The following DCLK1 variants were observed in gnomAD, a reference collection of about 807,000 sequenced individuals.
DCLK1 encodes serine/threonine-protein kinase DCLK1.
DCLK1 carries 16 observed loss-of-function variants against 86.2 expected under a neutral mutation model. The ratio of observed to expected loss-of-function variants is 0.19; its 90% CI spans 0.13 to 0.28. The LOEUF (loss-of-function observed/expected upper bound fraction) is 0.28. DCLK1 is among the 10% of genes least tolerant of loss of function. DCLK1 has a pLI of 1.00. For missense variants in DCLK1, 590 were observed against 940.2 expected, an observed-to-expected ratio of 0.63 and a Z score of 4.87; for synonymous variants, 369 against 370.5, an observed-to-expected ratio of 1.00 and a Z score of 0.05.
In DCLK1 at chr13:35,860,947, T is replaced by C. The variant is rs144529475; in HGVS notation, c.941-6354A>G. Among the ~76,000 whole-genome samples the C allele has an allele frequency of 3.7e-4, 57 of 152,076 alleles. 1 individual carries two copies. In the East Asian group the frequency reaches 0.01, roughly 27 times the overall value. The stretch of plus-strand genomic sequence containing the variant: ...AAGTGAGAGGAATAAAGGGATGAGG[T>C]GGAAAAGCCCAAGCTGGGGACAATT... On this transcript the variant is annotated intron_variant, in intron 5 of 16. Transcript: ENST00000360631.
At chr13:35,818,113 CT>C (rs1424328041) in intron 11 of DCLK1, among the ~76,000 whole-genome samples, 1 of 152,102 alleles carries the variant, frequency 6.6e-6, no homozygotes, top group African/African-American at 2.4e-5. Flanking sequence ...GGCTCCCTTC[CT>C]TTGGGTAACC....
rs1009689233 is a variant in DCLK1 at position 35,999,079 on chromosome 13, AC to A, written c.724-51623del. Among the ~76,000 whole-genome samples, 10 of 151,870 alleles carry A rather than the reference AC, an allele frequency of 6.6e-5. No homozygotes were observed. The East Asian group carries it at 1.4e-3, about 21-fold the overall frequency. On this transcript the variant is annotated intron_variant, in intron 3 of 16. Transcript: ENST00000360631. ...AGACCAGCCTGGCCGACACGGTGAA[AC>A]CCCTTCTCTACTAAAAATACAAAAA...
chr13:36,001,695 G>A (rs552011939), intron 3 of DCLK1, among the ~76,000 whole-genome samples: 1 of 152,180 alleles, frequency 6.6e-6, no homozygotes, highest in Non-Finnish European at 1.5e-5. Context: ...GGTACCACAA[G>A]ATAAAAAATG....
chr13:35,873,010 A>G (rs1335550041), intron 4 of DCLK1, among the ~76,000 whole-genome samples: 1 of 152,118 alleles, frequency 6.6e-6, no homozygotes, highest in Non-Finnish European at 1.5e-5. Context: ...CAACTTATTC[A>G]ATCATTCCCC....
At chr13:36,101,682 G>T (rs1256972318) in intron 3 of DCLK1, among the ~76,000 whole-genome samples, 1 of 152,034 alleles carries the variant, frequency 6.6e-6, no homozygotes, top group African/African-American at 2.4e-5. Flanking sequence ...CCTGCTCCCT[G>T]GTGGCCTTGC....
At chr13:36,095,911 T>A (rs1885001606) in intron 3 of DCLK1, among the ~76,000 whole-genome samples, 1 of 152,210 alleles carries the variant, frequency 6.6e-6, no homozygotes, top group Non-Finnish European at 1.5e-5. Flanking sequence ...TTATTTTCTG[T>A]TGTCAGCTTT....
At chr13:35,796,276 A>G (rs997200435) in intron 15 of DCLK1, among the ~76,000 whole-genome samples, 1 of 152,182 alleles carries the variant, frequency 6.6e-6, no homozygotes, top group South Asian at 2.1e-4. Context: ...TTTGAAAAAC[A>G]TGATTGTGGA....
rs777067371 is a variant in DCLK1 at position 35,827,667 on chromosome 13, T to A, written c.1375A>T (p.Thr459Ser). Residue 459 changes from threonine to serine, a missense_variant, in exon 10 of 17, where the codon ACT (threonine) becomes TCT (serine). Around this residue, in one of 6 missense-constraint regions of DCLK1, gnomAD observed 108 missense variants for 195.7 expected, o/e 0.55. Transcript: ENST00000360631. ...AATTCCATGACAAGATACAGTTCAG[T>A]TGGCACATCCATCTCCTCAATCAGA... is the stretch of plus-strand genomic sequence containing the variant. Reference protein sequence around the residue: ...VLLIEEMDVPTELYLVMELVK... With the variant: ...VLLIEEMDVPSELYLVMELVK... The A allele has an allele frequency of 1.2e-6, 2 of 1,614,068 alleles. No individual in the cohort carries two copies. Among genetic ancestry groups the A allele is most frequent in the Admixed American group, 3.3e-5 (2 of 60,026 alleles).
chr13:36,086,813 T>C (rs1194241894), intron 3 of DCLK1, among the ~76,000 whole-genome samples: 1 of 152,234 alleles, frequency 6.6e-6, no homozygotes, highest in Non-Finnish European at 1.5e-5. Flanking sequence ...CTCTTTTTTA[T>C]GGCTGCACAG....
intron 4 of DCLK1, among the ~76,000 whole-genome samples, chr13:35,914,753 A>C (rs936477996): frequency 6.6e-5 from 10 of 151,762 alleles, no homozygotes; most frequent in African/African-American, 1.5e-4. Context: ...ATATTTTCTG[A>C]GGCTGCCAAA....
At chr13:35,944,109 G>T (rs1443101155) in intron 4 of DCLK1, among the ~76,000 whole-genome samples, 1 of 152,172 alleles carries the variant, frequency 6.6e-6, no homozygotes, top group African/African-American at 2.4e-5. Flanking sequence ...TATTAATCTG[G>T]CTCCAATGTG....
At chr13:36,046,191 A>T (rs1326133004) in intron 3 of DCLK1, among the ~76,000 whole-genome samples, 2 of 152,220 alleles carry the variant, frequency 1.3e-5, no homozygotes, top group Non-Finnish European at 2.9e-5. Flanking sequence ...GCAGAAGCAA[A>T]CATACACTCT....
At chr13:35,906,967 C>T (rs1874722293) in intron 4 of DCLK1, among the ~76,000 whole-genome samples, 1 of 152,142 alleles carries the variant, frequency 6.6e-6, no homozygotes, top group Non-Finnish European at 1.5e-5. Context: ...TCTGCAAGCC[C>T]AGCTGCTAAA....
rs544188607 is a variant in DCLK1, at chr13:35,883,331, C to T, written c.824-11991G>A. On this transcript the variant is annotated intron_variant, in intron 4 of 16. Coordinates refer to ENST00000360631, the MANE Select transcript of DCLK1 (RefSeq NM_001330071.2). The stretch of plus-strand genomic sequence containing the variant: ...ATCCATGAGGTAATGAGTGTGTTCT[C>T]GCTCTGTTAGTTCCAGCAAGAGTTC... Among the ~76,000 whole-genome samples, 9 of 152,194 alleles carry T rather than the reference C, an allele frequency of 5.9e-5. No homozygotes were observed. The South Asian group carries it at 6.2e-4, about 11-fold the overall frequency.
chr13:36,068,152 C>A (rs1162891336), intron 3 of DCLK1, among the ~76,000 whole-genome samples: 1 of 152,110 alleles, frequency 6.6e-6, no homozygotes. Context: ...TTACGGTTAT[C>A]AAAAAACAGA....
chr13:35,965,857 A>G (rs1265505877), intron 3 of DCLK1, among the ~76,000 whole-genome samples: 1 of 152,166 alleles, frequency 6.6e-6, no homozygotes, highest in African/African-American at 2.4e-5. Context: ...ATACAAATAA[A>G]AACAAGAACA....
chr13:35,985,501 G>C lies in DCLK1; in HGVS notation c.724-38044C>G, dbSNP rs546652123. Among the ~76,000 whole-genome samples the C allele has an allele frequency of 2.6e-5, 4 of 152,324 alleles. No homozygotes were observed. The South Asian group carries it at 8.3e-4, about 32-fold the overall frequency. On this transcript the variant is annotated intron_variant, in intron 3 of 16. Transcript: ENST00000360631. ...CTAAGATATAAATATTAGGACAGGA[G>C]ACGAGGCTGTCATTGAAGGCAGGCT... is the stretch of plus-strand genomic sequence containing the variant.
intron 3 of DCLK1, among the ~76,000 whole-genome samples, chr13:36,106,204 GA>G (rs11339034): frequency 0.11 from 16,357 of 145,836 alleles, 1,319 homozygotes; most frequent in African/African-American, 0.24. Flanking sequence ...AGCTCAAAGT[GA>G]AAAAAAAAAG....
intron 8 of DCLK1, among the ~76,000 whole-genome samples, chr13:35,832,492 A>G (rs1869036002): frequency 6.6e-6 from 1 of 152,156 alleles, no homozygotes; most frequent in Non-Finnish European, 1.5e-5. Context: ...GTTTGTGGGT[A>G]AAGTTCTCTG....
Sources: allele counts gnomAD v4.1 joint callset (sites outside exome capture counted in the v4.1 genomes callset), GRCh38; gene constraint gnomAD v4.1.1; regional missense constraint gnomAD v4.1.1; transcripts MANE v1.5; gene names NCBI Gene and HGNC (gene_info 2026-07-23, HGNC 2026-07-21).